Variants in RANBP17 observed in about 807,000 individuals in gnomAD.
RANBP17 encodes RAN binding protein 17.
A neutral mutation model predicts 141.2 loss-of-function variants in RANBP17; 158 were observed. The ratio of observed to expected loss-of-function variants is 1.12; its 90% CI spans 0.98 to 1.28. RANBP17 has a LOEUF of 1.28. Ranked by LOEUF, RANBP17 falls within the 50% of genes most tolerant of loss-of-function variation. The pLI is 0.00. For synonymous variants in RANBP17, 430 were observed against 450.0 expected, an observed-to-expected ratio of 0.96 and a Z score of 0.56; for missense variants, 1,438 against 1,290.7, an observed-to-expected ratio of 1.11 and a Z score of -1.75.
intron 14 of RANBP17, among the ~76,000 whole-genome samples, chr5:171,166,781 C>A (rs562451176): frequency 8.5e-5 from 13 of 152,156 alleles, no homozygotes; most frequent in Non-Finnish European, 1.9e-4. Flanking sequence ...AAATGAGAAA[C>A]AGTCTTTTAA....
At chr5:171,211,292 C>A (rs897550729) in intron 20 of RANBP17, among the ~76,000 whole-genome samples, 6 of 151,870 alleles carry the variant, frequency 4.0e-5, no homozygotes, top group Non-Finnish European at 7.4e-5. Context: ...GACAGAGTCT[C>A]ACTCTGTCAC....
chr5:171,056,092 T>C (rs1234183983), intron 14 of RANBP17, among the ~76,000 whole-genome samples: 2 of 152,142 alleles, frequency 1.3e-5, no homozygotes, highest in Non-Finnish European at 2.9e-5. Flanking sequence ...TCTTCTTAAC[T>C]CTGAAAACCA....
chr5:171,065,429 C>T (rs1410508053), intron 14 of RANBP17, among the ~76,000 whole-genome samples: 1 of 152,110 alleles, frequency 6.6e-6, no homozygotes, highest in Non-Finnish European at 1.5e-5. Flanking sequence ...AGGTTTCCTG[C>T]TCCTGTGATA....
At chr5:171,157,094 A>T (rs563248776) in intron 14 of RANBP17, among the ~76,000 whole-genome samples, 4 of 152,302 alleles carry the variant, frequency 2.6e-5, no homozygotes, top group Non-Finnish European at 4.4e-5. Context: ...TTGTAAGCTA[A>T]CTGTCTGTCA....
At chr5:171,156,871 G>A (rs758590294) in intron 14 of RANBP17, among the ~76,000 whole-genome samples, 6 of 151,980 alleles carry the variant, frequency 3.9e-5, no homozygotes, top group Non-Finnish European at 7.4e-5. Context: ...TCTGTTTATC[G>A]AAAACAGTCT....
intron 18 of RANBP17, among the ~76,000 whole-genome samples, chr5:171,193,020 TAGC>T (rs1008315437): frequency 6.6e-6 from 1 of 152,246 alleles, no homozygotes; most frequent in African/African-American, 2.4e-5. Flanking sequence ...CATTGGGAAA[TAGC>T]AGATGATCTG....
intron 26 of RANBP17, among the ~76,000 whole-genome samples, chr5:171,295,376 C>A (rs1768752467): frequency 6.6e-6 from 1 of 152,094 alleles, no homozygotes; most frequent in African/African-American, 2.4e-5. Flanking sequence ...AGGAGTAAAC[C>A]CATTCTAACC....
chr5:171,120,018 C>G (rs923388946), intron 14 of RANBP17, among the ~76,000 whole-genome samples: 1 of 108,266 alleles, frequency 9.2e-6, no homozygotes, highest in African/African-American at 3.5e-5. Flanking sequence ...GCCTGGGCAA[C>G]AAGAGCGAAA....
chr5:171,126,891 C>T (rs1756510019), intron 14 of RANBP17, among the ~76,000 whole-genome samples: 2 of 152,246 alleles, frequency 1.3e-5, no homozygotes, highest in South Asian at 4.1e-4. Context: ...TTTTACCAAA[C>T]TTATAAAGAT....
intron 22 of RANBP17, among the ~76,000 whole-genome samples, chr5:171,235,563 G>A (rs1764489621): frequency 6.6e-6 from 1 of 151,804 alleles, no homozygotes. Flanking sequence ...TAAATGGTAG[G>A]GAATATTAGT....
rs1395954038 is a variant in RANBP17, at chr5:171,183,530, A to G, written c.2038+100A>G. 6.6e-6 allele frequency: 5 copies of G among 759,850 alleles called. No individual in the cohort carries two copies. In the East Asian group the frequency reaches 1.3e-4, roughly 20 times the overall value. 47.1% of individuals were successfully genotyped at this position (759,850 alleles called of 1,614,324 possible). ...GTGGGTACAACATTTAACTTATTAGAATTAGCGTCTTCTGACAGTTTTCTA... is the reference window on the plus strand; with the variant it reads ...GTGGGTACAACATTTAACTTATTAGGATTAGCGTCTTCTGACAGTTTTCTA... On this transcript the variant is annotated intron_variant, in intron 18 of 27. Coordinates refer to ENST00000523189, the MANE Select transcript of RANBP17 (RefSeq NM_022897.5).
intron 1 of RANBP17, among the ~76,000 whole-genome samples, chr5:170,872,462 T>C (rs981985314): frequency 6.6e-6 from 1 of 151,726 alleles, no homozygotes; most frequent in Non-Finnish European, 1.5e-5. Flanking sequence ...TCTGCAGAGA[T>C]GATTTGACTT....
chr5:170,902,523 G>A (rs1770728269), intron 5 of RANBP17, among the ~76,000 whole-genome samples: 1 of 152,174 alleles, frequency 6.6e-6, no homozygotes, highest in Non-Finnish European at 1.5e-5. Context: ...CCTTCTGTCA[G>A]TTCGTCAAAC....
intron 14 of RANBP17, among the ~76,000 whole-genome samples, chr5:171,117,268 T>C (rs937838805): frequency 6.6e-6 from 1 of 152,178 alleles, no homozygotes; most frequent in African/African-American, 2.4e-5. Flanking sequence ...CCATAGTGGC[T>C]ATACTGTCAC....
intron 14 of RANBP17, among the ~76,000 whole-genome samples, chr5:171,141,988 A>G (rs890419489): frequency 1.7e-4 from 26 of 152,204 alleles, no homozygotes; most frequent in African/African-American, 6.0e-4. Flanking sequence ...CATGCCTTCA[A>G]AGTAAAATCA....
chr5:171,196,810 A>G lies in RANBP17; in HGVS notation c.2039-2860A>G, dbSNP rs185636258. Among the ~76,000 whole-genome samples the G allele has an allele frequency of 3.2e-3, 490 of 152,306 alleles. 2 individuals are homozygous for G. Among genetic ancestry groups the G allele is most frequent in the African/African-American group, 0.011 (462 of 41,558 alleles). On this transcript the variant is annotated intron_variant, in intron 18 of 27. Coordinates refer to ENST00000523189, the MANE Select transcript of RANBP17 (RefSeq NM_022897.5). ...ACAGTGGCAGAGCCAGGATTCAAGC[A>G]TAGATAAACTTTTTTTTCTTTTTTT... is the stretch of plus-strand genomic sequence containing the variant.
intron 24 of RANBP17, among the ~76,000 whole-genome samples, chr5:171,248,517 G>C (rs193107482): frequency 2.8e-3 from 425 of 152,288 alleles, no homozygotes; most frequent in Non-Finnish European, 4.2e-3. Flanking sequence ...GGCAGTCCAC[G>C]TGCCTGCCAC....
At chr5:170,942,454 A>G (rs925654161) in intron 12 of RANBP17, among the ~76,000 whole-genome samples, 2 of 152,228 alleles carry the variant, frequency 1.3e-5, no homozygotes, top group Non-Finnish European at 2.9e-5. Context: ...AGTGAGTGTC[A>G]GAGATAAGAT....
rs1175052167 is a variant in RANBP17, at chr5:170,896,993, A to G, written c.489+878A>G. 1.1e-5 allele frequency: 12 copies of G among 1,086,572 alleles called. No homozygotes were observed. The African/African-American group carries it at 1.9e-4, about 17-fold the overall frequency. The allele number at this position is 1,086,572 out of a possible 1,614,324, so 67.3% of individuals were successfully genotyped here. On this transcript the variant is annotated intron_variant, in intron 5 of 27. Coordinates refer to ENST00000523189, the MANE Select transcript of RANBP17 (RefSeq NM_022897.5). ...AACCAGATTGGCTGCTGCTTCTGGG[A>G]CCTGGCACTAAGGGAGCACGCCGCG...
Sources: gnomAD v4.1 joint callset for allele counts (sites outside exome capture counted in the v4.1 genomes callset) on GRCh38, gnomAD v4.1.1 for gene constraint, MANE v1.5 for transcripts, NCBI Gene and HGNC (gene_info 2026-07-23, HGNC 2026-07-21) for gene names.